LRRC4C: variants seen among roughly 807,000 people sequenced by gnomAD.
LRRC4C encodes leucine rich repeat containing 4C.
LRRC4C carries 5 observed loss-of-function variants against 33.6 expected under a neutral mutation model. The observed-to-expected ratio is 0.15, with a 90% CI of 0.08 to 0.31. The LOEUF is 0.31. Ranked by LOEUF, LRRC4C falls within the 10% of genes least tolerant of loss-of-function variation. The pLI, the probability that LRRC4C is intolerant of heterozygous loss-of-function variation, is 1.00. For missense variants in LRRC4C, 560 were observed against 796.7 expected (o/e 0.70, Z 3.58); for synonymous variants, 329 against 302.0 (o/e 1.09, Z -0.93).
At chr11:40,793,091 C>T (rs1321675497) in intron 2 of LRRC4C, among the ~76,000 whole-genome samples, 1 of 151,914 alleles carries the variant, frequency 6.6e-6, no homozygotes, top group East Asian at 1.9e-4. Context: ...ACATATGTAA[C>T]AAACCTGTAC....
At chr11:40,747,988 AC>A (rs1253989745) in intron 2 of LRRC4C, among the ~76,000 whole-genome samples, 4 of 152,208 alleles carry the variant, frequency 2.6e-5, no homozygotes, top group African/African-American at 7.2e-5. Context: ...AACCTAGTTA[AC>A]AAAAATAGGA....
intron 4 of LRRC4C, among the ~76,000 whole-genome samples, chr11:40,267,114 C>T (rs1590864189): frequency 6.6e-6 from 1 of 152,072 alleles, no homozygotes; most frequent in Non-Finnish European, 1.5e-5. Flanking sequence ...AACTGGTTCT[C>T]TCTTATCACT....
intron 5 of LRRC4C, among the ~76,000 whole-genome samples, chr11:40,209,097 T>C (rs1214827742): frequency 1.3e-5 from 2 of 152,140 alleles, no homozygotes; most frequent in Non-Finnish European, 2.9e-5. Flanking sequence ...TGAAAATGAA[T>C]AAGGCACATT....
intron 5 of LRRC4C, among the ~76,000 whole-genome samples, chr11:40,167,188 A>G (rs1404352924): frequency 1.3e-5 from 2 of 152,178 alleles, no homozygotes; most frequent in African/African-American, 2.4e-5. Context: ...TGCTTCCACC[A>G]TACAAAAAGC....
chr11:40,835,847 G>T (rs892768725), intron 2 of LRRC4C, among the ~76,000 whole-genome samples: 1 of 152,146 alleles, frequency 6.6e-6, no homozygotes, highest in Non-Finnish European at 1.5e-5. Flanking sequence ...TCAGCAAGAA[G>T]CAGTAAAAAT....
At chr11:40,839,834 A>G (rs1232335726) in intron 2 of LRRC4C, among the ~76,000 whole-genome samples, 1 of 152,196 alleles carries the variant, frequency 6.6e-6, no homozygotes, top group Non-Finnish European at 1.5e-5. Context: ...TATAGATGAC[A>G]TATATTCTTT....
chr11:40,895,115 A>T (rs558698180), intron 2 of LRRC4C, among the ~76,000 whole-genome samples: 1 of 152,120 alleles, frequency 6.6e-6, no homozygotes, highest in Non-Finnish European at 1.5e-5. Context: ...TTTGGCTGAA[A>T]TAATTGTTCA....
chr11:41,251,032 C>G (rs1162591794), intron 1 of LRRC4C, among the ~76,000 whole-genome samples: 4 of 152,144 alleles, frequency 2.6e-5, no homozygotes, highest in Non-Finnish European at 5.9e-5. Context: ...TTGTAGACCA[C>G]TAATGTATCT....
chr11:40,860,372 AG>A (rs1954025238), intron 2 of LRRC4C, among the ~76,000 whole-genome samples: 1 of 151,502 alleles, frequency 6.6e-6, no homozygotes, highest in African/African-American at 2.4e-5. Context: ...GAAGGTAAGA[AG>A]TCTGAAATTA....
Position 40,308,671 on chromosome 11 carries a change from G to A in LRRC4C, c.-176+10957C>T, listed in dbSNP as rs114519270. On this transcript the variant is annotated intron_variant, in intron 4 of 6. Transcript: ENST00000528697. ...TTTTTTTTCCATGGACTATAAGAAG[G>A]GAGAAACCCTTGATCCACTGAGGTG... 3.9e-3 allele frequency among the ~76,000 whole-genome samples: 598 copies of A among 152,268 alleles called. 7 individuals carry two copies. The highest frequency in any genetic ancestry group is 0.014 in the African/African-American group (569 of 41,564).
intron 1 of LRRC4C, among the ~76,000 whole-genome samples, chr11:41,244,243 G>C (rs1474078847): frequency 6.6e-6 from 1 of 151,114 alleles, no homozygotes; most frequent in African/African-American, 2.5e-5. Context: ...AAAGAGGGCA[G>C]GAAAAACAAA....
intron 1 of LRRC4C, among the ~76,000 whole-genome samples, chr11:41,126,348 T>A (rs906237748): frequency 6.6e-6 from 1 of 152,028 alleles, no homozygotes; most frequent in East Asian, 1.9e-4. Flanking sequence ...TGGTACCTAG[T>A]AAAACCTTTT....
At chr11:41,385,549 T>C (rs1173401206) in intron 1 of LRRC4C, among the ~76,000 whole-genome samples, 1 of 151,792 alleles carries the variant, frequency 6.6e-6, no homozygotes, top group East Asian at 1.9e-4. Flanking sequence ...ACAATAGTAA[T>C]TTGATTATTT....
At chr11:40,638,671 T>C (rs1941915666) in intron 3 of LRRC4C, among the ~76,000 whole-genome samples, 1 of 152,058 alleles carries the variant, frequency 6.6e-6, no homozygotes, top group Non-Finnish European at 1.5e-5. Context: ...TGAAGGCACA[T>C]GAATTAATTA....
At chr11:40,732,346 A>G (rs1947629738) in intron 2 of LRRC4C, among the ~76,000 whole-genome samples, 2 of 152,328 alleles carry the variant, frequency 1.3e-5, no homozygotes, top group African/African-American at 4.8e-5. Context: ...CCAAAATGCA[A>G]GCCTCTGCCA....
chr11:41,051,677 C>T (rs1858239745), intron 1 of LRRC4C, among the ~76,000 whole-genome samples: 1 of 150,672 alleles, frequency 6.6e-6, no homozygotes. Flanking sequence ...TGCTGTAATT[C>T]TGCCTCTGCT....
Position 40,544,387 on chromosome 11 carries a change from T to G in LRRC4C, c.-270+103755A>C, listed in dbSNP as rs548296291. On this transcript the variant is annotated intron_variant, in intron 3 of 6. Coordinates refer to ENST00000528697, the MANE Select transcript of LRRC4C (RefSeq NM_001258419.2). ...ACCTCCTTCTCATTCTGGCCCACTG[T>G]TCTTTACCTTCCTGCCACAGGCTTA... is the stretch of plus-strand genomic sequence containing the variant. 2.6e-5 allele frequency among the ~76,000 whole-genome samples: 4 copies of G among 152,220 alleles called. No individual in the cohort carries two copies. The East Asian group carries it at 7.7e-4, about 29-fold the overall frequency.
chr11:40,466,917 T>G (rs1332878348), intron 3 of LRRC4C, among the ~76,000 whole-genome samples: 2 of 152,152 alleles, frequency 1.3e-5, no homozygotes, highest in Admixed American at 1.3e-4. Context: ...ATCGCTCATG[T>G]TTAATTTATG....
rs28698980 is a variant in LRRC4C, at chr11:40,857,991, C to A, written c.-407+75644G>T. 7.7e-3 allele frequency among the ~76,000 whole-genome samples: 961 copies of A among 125,398 alleles called. 4 individuals carry two copies. The highest frequency in any genetic ancestry group is 8.7e-3 in the Admixed American group (109 of 12,548). 82.3% of individuals were successfully genotyped at this position (125,398 alleles called of 152,430 possible). Reference sequence around the variant, plus strand: ...AAAGGGAAAGGGAAAGGGAAAGGGACAGGGACAGGGACAGGGACAAGGAAA... The same window carrying A: ...AAAGGGAAAGGGAAAGGGAAAGGGAAAGGGACAGGGACAGGGACAAGGAAA... On this transcript the variant is annotated intron_variant, in intron 2 of 6. Coordinates refer to ENST00000528697, the MANE Select transcript of LRRC4C (RefSeq NM_001258419.2).
Sources: gnomAD v4.1 joint callset for allele counts (sites outside exome capture counted in the v4.1 genomes callset) on GRCh38, gnomAD v4.1.1 for gene constraint, MANE v1.5 for transcripts, NCBI Gene and HGNC (gene_info 2026-07-23, HGNC 2026-07-21) for gene names.